The following CIT variants were observed in gnomAD, a reference collection of about 807,000 sequenced individuals.
CIT encodes the protein citron Rho-interacting kinase.
CIT carries 79 observed loss-of-function variants against 272.7 expected under a neutral mutation model. That is an observed-to-expected ratio of 0.29 (90% confidence interval 0.24 to 0.35). The LOEUF is 0.35. Ranked by LOEUF, CIT falls within the 10% of genes least tolerant of loss-of-function variation. CIT has a pLI of 1.00. For synonymous variants in CIT, 948 were observed against 995.6 expected, an observed-to-expected ratio of 0.95 and a Z score of 0.90; for missense variants, 1,909 against 2,618.3, an observed-to-expected ratio of 0.73 and a Z score of 5.91.
At chr12:119,751,976 A>G in intron 23 of CIT, 74 bp downstream of exon 23, 1 of 1,308,872 alleles carries the variant, frequency 7.6e-7, no homozygotes, top group Non-Finnish European at 1.1e-6. Context: ...GTGAGCCAGT[A>G]TACTCAGTGC....
chr12:119,785,842 A>G (rs1387587464), intron 10 of CIT, among the ~76,000 whole-genome samples: 1 of 152,128 alleles, frequency 6.6e-6, no homozygotes, highest in Non-Finnish European at 1.5e-5. Context: ...AGCCTCCCAA[A>G]GTGCTGGGAT....
At chr12:119,708,344 C>G in intron 39 of CIT, 26 bp from the exon 40 acceptor site, 1 of 1,533,802 alleles carries the variant, frequency 6.5e-7, no homozygotes, top group Non-Finnish European at 8.8e-7. Context: ...AACAACCTCT[C>G]GTCAGTGTGA....
chr12:119,689,577 C>T (rs1955800744), intron 47 of CIT, among the ~76,000 whole-genome samples: 1 of 146,800 alleles, frequency 6.8e-6, no homozygotes, highest in African/African-American at 2.5e-5. Flanking sequence ...GAAGGGAAAA[C>T]ATTTTTTGGT....
rs1377217960 is a variant in CIT, at chr12:119,767,194, A to G, written c.2209-12T>C. On this transcript the variant is annotated splice_polypyrimidine_tract_variant and intron_variant, in intron 18 of 47. Transcript: ENST00000392521. ...TTCTCTTCGAGCTCCTAGACACAAA[A>G]GAAAAGACAGTCAGGTGTGCAGAGG... is the stretch of plus-strand genomic sequence containing the variant. The G allele has an allele frequency of 3.7e-6, 6 of 1,600,862 alleles. No homozygotes were observed. The highest frequency in any genetic ancestry group is 5.1e-6 in the Non-Finnish European group (6 of 1,172,712).
At position 119,804,637 on chromosome 12, in the gene CIT, G is replaced by T. The variant is rs1013583951; in HGVS notation, c.1112-1248C>A. On this transcript the variant is annotated intron_variant, in intron 9 of 47. Transcript: ENST00000392521. The surrounding 1 kb of genome is among the most constrained non-coding windows in gnomAD (Gnocchi z 5.3). ...GCCAGATATGAGCAGCAAGCAGTCT[G>T]TTTTCTGCTTACAGACTCCAAAAAA... The T allele has an allele frequency of 9.5e-6, 3 of 317,156 alleles. No homozygotes were observed. Among genetic ancestry groups the T allele is most frequent in the Non-Finnish European group, 9.1e-6 (2 of 218,954 alleles). 19.6% of individuals were successfully genotyped at this position (317,156 alleles called of 1,614,324 possible). A position where few individuals can be genotyped will look rare whatever the true frequency, so the allele number is the denominator to read the frequency against.
chr12:119,856,469 T>A (rs1950173326), intron 4 of CIT, among the ~76,000 whole-genome samples: 1 of 151,888 alleles, frequency 6.6e-6, no homozygotes, highest in Non-Finnish European at 1.5e-5. Flanking sequence ...GTTCTTGAGT[T>A]TCCCACCCAT....
chr12:119,748,926 C>T (rs1959826787), intron 23 of CIT, among the ~76,000 whole-genome samples: 1 of 152,212 alleles, frequency 6.6e-6, no homozygotes, highest in African/African-American at 2.4e-5. Context: ...GGTGTGCAGA[C>T]TCAAATTATC....
At chr12:119,796,198 C>T (rs1268404352) in intron 10 of CIT, among the ~76,000 whole-genome samples, 1 of 152,204 alleles carries the variant, frequency 6.6e-6, no homozygotes. Context: ...TATGAGCACA[C>T]TGGGATGCTG....
chr12:119,813,983 G>A (rs540780293), intron 9 of CIT, among the ~76,000 whole-genome samples: 1 of 152,048 alleles, frequency 6.6e-6, no homozygotes, highest in Non-Finnish European at 1.5e-5. Flanking sequence ...TTTGGTCACT[G>A]GGAGACTGAG....
chr12:119,767,038 A>T, intron 19 of CIT, 49 bp downstream of exon 19: 1 of 1,403,946 alleles, frequency 7.1e-7, no homozygotes, highest in Non-Finnish European at 9.8e-7. Flanking sequence ...GATGGGAGCT[A>T]CATGGTACTA....
chr12:119,738,988 G>T (rs997295595), intron 24 of CIT, among the ~76,000 whole-genome samples: 26 of 151,908 alleles, frequency 1.7e-4, no homozygotes, highest in Non-Finnish European at 3.7e-4. Context: ...GTTCTGAGAA[G>T]AAGATGTGAA....
At chr12:119,866,407 C>G (rs1186215506) in intron 3 of CIT, among the ~76,000 whole-genome samples, 3 of 152,146 alleles carry the variant, frequency 2.0e-5, no homozygotes, top group Non-Finnish European at 4.4e-5. Flanking sequence ...GAGCTACCGT[C>G]GAGGCTGTCC....
In CIT at chr12:119,742,527, G is replaced by A. The variant is rs1959108185; in HGVS notation, c.2905-63C>T. 5.5e-6 allele frequency: 7 copies of A among 1,272,910 alleles called. No individual in the cohort carries two copies. The South Asian group carries it at 6.6e-5, about 12-fold the overall frequency. 78.9% of individuals were successfully genotyped at this position (1,272,910 alleles called of 1,614,324 possible). On this transcript the variant is annotated intron_variant, in intron 23 of 47. Transcript: ENST00000392521. ...GTAGAATACAATTCTACATGCTACG[G>A]GTCAAATATAGAGAATAGCAATTTG...
chr12:119,758,114 G>A (rs1436617990), intron 21 of CIT, among the ~76,000 whole-genome samples: 1 of 152,108 alleles, frequency 6.6e-6, no homozygotes, highest in Non-Finnish European at 1.5e-5. Flanking sequence ...AGAAACCTAA[G>A]GGGGAAAAAA....
Position 119,713,938 on chromosome 12 carries a change from G to T in CIT, c.4306+259C>A. 1 of 607,134 alleles carries T rather than the reference G, an allele frequency of 1.6e-6. No homozygotes were observed. The highest frequency in any genetic ancestry group is 2.9e-6 in the Non-Finnish European group (1 of 344,794). The allele number at this position is 607,134 out of a possible 1,614,324, so 37.6% of individuals were successfully genotyped here. On this transcript the variant is annotated intron_variant, in intron 33 of 47. Coordinates refer to ENST00000392521, the MANE Select transcript of CIT (RefSeq NM_001206999.2). This position sits in a 1 kb window ranked among gnomAD's most constrained non-coding sequence, Gnocchi z 5.2. ...TCAGTTGGAGTCAGCGGAAAGGTAG[G>T]GAGAGACCAGCCTGACAAAAAGGGG...
At chr12:119,840,918 T>C (rs1022726703) in intron 5 of CIT, among the ~76,000 whole-genome samples, 1 of 152,218 alleles carries the variant, frequency 6.6e-6, no homozygotes, top group African/African-American at 2.4e-5. Flanking sequence ...CAGCATAGCC[T>C]GCTATTCATG....
chr12:119,850,177 A>G lies in CIT; in HGVS notation c.513T>C (p.Tyr171=), dbSNP rs1249309765. 2 of 1,584,716 alleles carry G rather than the reference A, an allele frequency of 1.3e-6. No individual in the cohort carries two copies. The highest frequency in any genetic ancestry group is 2.7e-5 in the African/African-American group (2 of 74,346). Residue 171 remains tyrosine, a synonymous_variant, in exon 5 of 48, where the codon TAT becomes TAC. Coordinates refer to ENST00000392521, the MANE Select transcript of CIT (RefSeq NM_001206999.2). The part of the protein sequence containing the change: ...QYAFQDKNHL[Y]LVMEYQPGGD... ...AGAGACAGATGTAAAGACTCACCAG[A>G]TAAAGGTGATTTTTGTCCTGAAAGG...
intron 3 of CIT, 21 bp downstream of exon 3, chr12:119,869,039 G>A: frequency 6.2e-6 from 10 of 1,608,820 alleles, no homozygotes; most frequent in Non-Finnish European, 8.5e-6. Flanking sequence ...CAGTTTTCAA[G>A]AAAAAGTTCC....
chr12:119,695,263 C>A (rs1956167712), intron 46 of CIT, among the ~76,000 whole-genome samples: 1 of 152,144 alleles, frequency 6.6e-6, no homozygotes, highest in Non-Finnish European at 1.5e-5. Flanking sequence ...GCTGTGAAAA[C>A]CAGCAGTCTA....
Sources: allele counts gnomAD v4.1 joint callset (sites outside exome capture counted in the v4.1 genomes callset), GRCh38; gene constraint gnomAD v4.1.1; non-coding constraint Gnocchi (gnomAD v3.1); transcripts MANE v1.5; gene names NCBI Gene and HGNC (gene_info 2026-07-23, HGNC 2026-07-21).